The following RANBP2 variants were observed in gnomAD, a reference collection of about 807,000 sequenced individuals.
RANBP2 encodes the protein RAN binding protein 2.
RANBP2 carries 57 observed loss-of-function variants against 303.6 expected under a neutral mutation model. The observed-to-expected ratio is 0.19, with a 90% confidence interval of 0.15 to 0.23. The LOEUF is 0.23. Ranked by LOEUF, RANBP2 falls within the 10% of genes least tolerant of loss-of-function variation. The pLI is 1.00. For synonymous variants in RANBP2, 1,167 were observed against 1,301.5 expected, an observed-to-expected ratio of 0.90 and a Z score of 2.23; for missense variants, 3,138 against 3,780.8, an observed-to-expected ratio of 0.83 and a Z score of 4.46.
At chr2:109,519,771 G>A in the RANBP2 span, among the ~76,000 whole-genome samples, 24 of 152,346 alleles carry the variant, frequency 1.6e-4, no homozygotes, top group African/African-American at 5.5e-4. Context: ...ATGTGAGGGC[G>A]TTGCTTTCTA....
At chr2:109,615,693 G>T in the RANBP2 span, 1 of 1,613,990 alleles carries the variant, frequency 6.2e-7, no homozygotes, top group South Asian at 1.1e-5. Flanking sequence ...CGAGGGTGAC[G>T]GGGAAAGCGC....
the RANBP2 span, among the ~76,000 whole-genome samples, chr2:108,956,022 C>T: frequency 5.3e-5 from 8 of 152,170 alleles, no homozygotes; most frequent in African/African-American, 1.9e-4. Flanking sequence ...GGGCAAGACT[C>T]TGTCTCAAAA....
the RANBP2 span, among the ~76,000 whole-genome samples, chr2:109,413,168 G>A: frequency 6.6e-6 from 1 of 152,212 alleles, no homozygotes; most frequent in Non-Finnish European, 1.5e-5. Flanking sequence ...AGGCTGGAGT[G>A]CAGTGGCGTG....
the RANBP2 span, among the ~76,000 whole-genome samples, chr2:109,383,457 C>T: frequency 0.071 from 10,754 of 152,246 alleles, 958 homozygotes; most frequent in African/African-American, 0.21. Flanking sequence ...ACACTCTGGG[C>T]CAGTTGGAAT....
chr2:109,710,971 A>ACC, the RANBP2 span, among the ~76,000 whole-genome samples: 1 of 151,868 alleles, frequency 6.6e-6, no homozygotes. Flanking sequence ...AGATGCCTGT[A>ACC]CCCTGCACTG....
the RANBP2 span, among the ~76,000 whole-genome samples, chr2:109,709,929 A>T: frequency 1.3e-5 from 2 of 151,930 alleles, no homozygotes; most frequent in Admixed American, 1.3e-4. Context: ...CTCTATTAAA[A>T]ATACAAAATT....
At chr2:109,448,012 G>C in the RANBP2 span, among the ~76,000 whole-genome samples, 1 of 152,142 alleles carries the variant, frequency 6.6e-6, no homozygotes, top group Non-Finnish European at 1.5e-5. Flanking sequence ...TGGGAGAAAC[G>C]TCTGCTGCTT....
the RANBP2 span, among the ~76,000 whole-genome samples, chr2:109,443,708 T>C: frequency 1.3e-5 from 2 of 152,190 alleles, no homozygotes; most frequent in African/African-American, 4.8e-5. Context: ...ATAACAGTTC[T>C]AAATATTTAT....
At chr2:108,743,115 T>G (rs1414150491) in intron 7 of RANBP2, among the ~76,000 whole-genome samples, 1 of 152,190 alleles carries the variant, frequency 6.6e-6, no homozygotes, top group East Asian at 1.9e-4. Context: ...AATGGAAACT[T>G]TAAAATTTAT....
At chr2:108,725,913 C>CA (rs1013307514) in intron 1 of RANBP2, among the ~76,000 whole-genome samples, 1 of 151,962 alleles carries the variant, frequency 6.6e-6, no homozygotes, top group Non-Finnish European at 1.5e-5. Flanking sequence ...TTTAAGCATA[C>CA]AAGTCTCTCA....
chr2:109,191,185 G>A, the RANBP2 span, among the ~76,000 whole-genome samples: 9 of 152,164 alleles, frequency 5.9e-5, no homozygotes, highest in African/African-American at 2.2e-4. Flanking sequence ...GTAGGAGGAA[G>A]GATGCAGTGA....
chr2:108,960,062 A>T, the RANBP2 span, among the ~76,000 whole-genome samples: 1 of 152,226 alleles, frequency 6.6e-6, no homozygotes, highest in Admixed American at 6.5e-5. Context: ...CCCTCCAAAG[A>T]GGGAAGCTGG....
chr2:109,381,451 A>G, the RANBP2 span, among the ~76,000 whole-genome samples: 7 of 152,110 alleles, frequency 4.6e-5, no homozygotes, highest in Admixed American at 1.3e-4. Flanking sequence ...AATCCTACGG[A>G]GACAGAGTTC....
chr2:109,528,512 A>C, the RANBP2 span, among the ~76,000 whole-genome samples: 2 of 152,092 alleles, frequency 1.3e-5, no homozygotes, highest in African/African-American at 4.8e-5. Flanking sequence ...CAGTCCCAGG[A>C]CCCCGCTGGA....
chr2:109,381,996 A>G, the RANBP2 span, among the ~76,000 whole-genome samples: 6 of 152,106 alleles, frequency 3.9e-5, no homozygotes, highest in South Asian at 1.2e-3. Context: ...CAGGTGAACT[A>G]TAGGACACAA....
the RANBP2 span, among the ~76,000 whole-genome samples, chr2:108,983,066 G>A: frequency 2.6e-5 from 4 of 152,270 alleles, no homozygotes; most frequent in Admixed American, 2.0e-4. Context: ...CAAATCTACC[G>A]ATGCACAATT....
At chr2:109,219,804 T>G in the RANBP2 span, among the ~76,000 whole-genome samples, 1 of 152,224 alleles carries the variant, frequency 6.6e-6, no homozygotes, top group Admixed American at 6.5e-5. Flanking sequence ...ATGCATCTCT[T>G]GTTCATGGAT....
At chr2:109,639,842 C>T in the RANBP2 span, among the ~76,000 whole-genome samples, 6 of 151,280 alleles carry the variant, frequency 4.0e-5, no homozygotes, top group East Asian at 1.2e-3. Context: ...TCCTGAGTAG[C>T]TGCGATTACA....
At chr2:109,132,104 T>C in the RANBP2 span, among the ~76,000 whole-genome samples, 1 of 152,188 alleles carries the variant, frequency 6.6e-6, no homozygotes, top group Non-Finnish European at 1.5e-5. Context: ...GCCAGGAAAG[T>C]TGAATGCTGG....
Sources: gnomAD v4.1 joint callset for allele counts (sites outside exome capture counted in the v4.1 genomes callset) on GRCh38, gnomAD v4.1.1 for gene constraint, MANE v1.5 for transcripts, NCBI Gene and HGNC (gene_info 2026-07-23, HGNC 2026-07-21) for gene names.